The following NFATC2 variants were observed in gnomAD, a reference collection of about 807,000 sequenced individuals.
NFATC2 encodes the protein nuclear factor of activated T-cells, cytoplasmic 2.
Under a neutral mutation model 87.3 loss-of-function variants are expected in NFATC2, and 22 were observed. That is an observed-to-expected ratio of 0.25 (90% CI 0.18 to 0.36). The LOEUF (loss-of-function observed/expected upper bound fraction) is 0.36. NFATC2 is among the 10% of genes least tolerant of loss of function. The pLI, the probability that NFATC2 is intolerant of heterozygous loss-of-function variation, is 1.00. For synonymous variants in NFATC2, 565 were observed against 542.2 expected, an observed-to-expected ratio of 1.04 and a Z score of -0.58; for missense variants, 1,149 against 1,259.1, an observed-to-expected ratio of 0.91 and a Z score of 1.32.
intron 3 of NFATC2, among the ~76,000 whole-genome samples, chr20:51,477,263 G>A (rs898619181): frequency 6.6e-6 from 1 of 151,854 alleles, no homozygotes; most frequent in South Asian, 2.1e-4. Context: ...AAAGCAATGT[G>A]TAGAAAAATA....
intron 3 of NFATC2, among the ~76,000 whole-genome samples, chr20:51,481,045 A>G (rs1989211242): frequency 6.6e-6 from 1 of 152,180 alleles, no homozygotes; most frequent in South Asian, 2.1e-4. Flanking sequence ...AAACCTCACC[A>G]TCTTTCATGA....
intron 6 of NFATC2, among the ~76,000 whole-genome samples, chr20:51,439,307 C>A (rs1984003631): frequency 6.6e-6 from 1 of 152,198 alleles, no homozygotes; most frequent in South Asian, 2.1e-4. Context: ...GGTCTCCTCA[C>A]CCCATCCTAC....
Position 51,523,847 on chromosome 20 carries a change from C to A in NFATC2, c.394G>T (p.Asp132Tyr). The stretch of plus-strand genomic sequence containing the variant: ...GGCTGCTCCACCAGGAGGCCCGCGT[C>A]TCTCATGCGGAGGGGCCCCACTGCC... ...IQAVGPLRMR[D>Y]AGLLVEQPPL... is the part of the protein sequence containing the mutation. The change falls in exon 2 of 11, where the codon GAC becomes TAC. Residue 132 changes from aspartate to tyrosine, a missense_variant. Around this residue, in one of 3 missense-constraint regions of NFATC2, gnomAD observed 563 missense variants for 585.2 expected, o/e 0.96. Transcript: ENST00000371564. The surrounding 1 kb of genome is among the most constrained non-coding windows in gnomAD (Gnocchi z 6.9). The A allele has an allele frequency of 6.2e-7, 1 of 1,610,940 alleles. No homozygotes were observed. Among genetic ancestry groups the A allele is most frequent in the Admixed American group, 1.7e-5 (1 of 59,506 alleles).
intron 5 of NFATC2, among the ~76,000 whole-genome samples, chr20:51,464,480 GC>G (rs1186566038): frequency 4.6e-5 from 7 of 152,194 alleles, no homozygotes; most frequent in Non-Finnish European, 1.0e-4. Flanking sequence ...ATTCCTAACC[GC>G]CACTCTAAAC....
upstream of NFATC2, among the ~76,000 whole-genome samples, chr20:51,543,602 G>T (rs1420120393): frequency 1.3e-5 from 2 of 152,166 alleles, no homozygotes; most frequent in African/African-American, 4.8e-5. Flanking sequence ...CTGATGGGGC[G>T]GTTGGCAAGT....
chr20:51,519,309 G>C (rs1393539337), intron 2 of NFATC2, among the ~76,000 whole-genome samples: 1 of 152,080 alleles, frequency 6.6e-6, no homozygotes, highest in East Asian at 1.9e-4. Flanking sequence ...TGGTTCCGAA[G>C]TAGGTATTTG....
At chr20:51,470,324 G>A (rs1477254216) in intron 5 of NFATC2, among the ~76,000 whole-genome samples, 3 of 152,090 alleles carry the variant, frequency 2.0e-5, no homozygotes, top group Non-Finnish European at 4.4e-5. Context: ...GGATCTCCTC[G>A]GCAATGCTGA....
intron 6 of NFATC2, among the ~76,000 whole-genome samples, chr20:51,438,933 G>C (rs1983955418): frequency 6.6e-6 from 1 of 152,228 alleles, no homozygotes; most frequent in Non-Finnish European, 1.5e-5. Flanking sequence ...AAAGGAGATG[G>C]CTTCAAAGAC....
intron 6 of NFATC2, among the ~76,000 whole-genome samples, chr20:51,450,289 C>G (rs1477791500): frequency 6.6e-6 from 1 of 152,202 alleles, no homozygotes; most frequent in Non-Finnish European, 1.5e-5. Flanking sequence ...CCAGATCTCT[C>G]CCAGCCTAGG....
chr20:51,512,783 T>C (rs2076292151), intron 3 of NFATC2, among the ~76,000 whole-genome samples: 1 of 152,082 alleles, frequency 6.6e-6, no homozygotes. Flanking sequence ...ACTGAGTAAC[T>C]GAGAGGGGAG....
chr20:51,455,442 C>T (rs1986297042), intron 5 of NFATC2, among the ~76,000 whole-genome samples: 1 of 151,848 alleles, frequency 6.6e-6, no homozygotes, highest in South Asian at 2.1e-4. Context: ...CTTTAACCCA[C>T]CCCATCCCCT....
At chr20:51,413,004 C>T (rs1355130245) in intron 9 of NFATC2, among the ~76,000 whole-genome samples, 58 of 138,102 alleles carry the variant, frequency 4.2e-4, no homozygotes, top group Non-Finnish European at 7.7e-4. Context: ...CCGCCCCCCC[C>T]CCTCCCCGCC....
At chr20:51,503,877 T>C (rs2076132656) in intron 3 of NFATC2, among the ~76,000 whole-genome samples, 1 of 152,212 alleles carries the variant, frequency 6.6e-6, no homozygotes, top group African/African-American at 2.4e-5. Flanking sequence ...AGAGTCTTGC[T>C]CTGTCACCCA....
chr20:51,441,490 T>C (rs1348056367), intron 6 of NFATC2, among the ~76,000 whole-genome samples: 1 of 151,908 alleles, frequency 6.6e-6, no homozygotes, highest in Admixed American at 6.6e-5. Context: ...CCAAGGTAGG[T>C]GGACCACCTG....
intron 3 of NFATC2, among the ~76,000 whole-genome samples, chr20:51,477,535 CTATATATATATATATATATA>C (rs11467129): frequency 1.5e-3 from 111 of 72,726 alleles, no homozygotes; most frequent in East Asian, 4.6e-3. Flanking sequence ...GTGTGTGTGT[CTATATATATATATATATATA>C]TATATATATA....
intron 1 of NFATC2, among the ~76,000 whole-genome samples, chr20:51,540,670 T>TTTTTTTTTTTTTTTTTTTTTTTTTA: frequency 6.7e-6 from 1 of 149,290 alleles, no homozygotes; most frequent in African/African-American, 2.5e-5. Context: ...TTTTTTTTTT[T>TTTTTTTTTTTTTTTTTTTTTTTTTA]TGAGAAAACA....
intron 9 of NFATC2, among the ~76,000 whole-genome samples, chr20:51,410,853 C>T (rs983833894): frequency 3.3e-4 from 51 of 152,308 alleles, no homozygotes; most frequent in African/African-American, 1.2e-3. Context: ...CATGTGTCAC[C>T]AGCTGAAATC....
At chr20:51,515,762 C>G (rs1212583100) in intron 3 of NFATC2, among the ~76,000 whole-genome samples, 2 of 151,640 alleles carry the variant, frequency 1.3e-5, no homozygotes, top group East Asian at 3.9e-4. Context: ...GAGGTACACA[C>G]CCAAAGCACC....
upstream of NFATC2, among the ~76,000 whole-genome samples, chr20:51,543,622 G>A (rs530919637): frequency 2.6e-5 from 4 of 152,166 alleles, no homozygotes; most frequent in Non-Finnish European, 4.4e-5. Flanking sequence ...TGACAAACAC[G>A]CCTGGCTGCT....
Sources: allele counts gnomAD v4.1 joint callset (sites outside exome capture counted in the v4.1 genomes callset), GRCh38; gene constraint gnomAD v4.1.1; regional missense constraint gnomAD v4.1.1; non-coding constraint Gnocchi (gnomAD v3.1); transcripts MANE v1.5; gene names NCBI Gene and HGNC (gene_info 2026-07-23, HGNC 2026-07-21).